Variants in PDIA5 observed in about 807,000 individuals in gnomAD.
PDIA5 encodes the protein protein disulfide isomerase family A member 5.
A neutral mutation model predicts 77.6 loss-of-function variants in PDIA5; 58 were observed. The observed-to-expected ratio is 0.75, with a 90% CI of 0.61 to 0.93. The LOEUF (loss-of-function observed/expected upper bound fraction) is 0.93, where lower values mean the gene tolerates loss of function less well. Among genes scored for constraint, PDIA5 ranks in the 40% least tolerant of loss-of-function variants. The pLI, the probability that PDIA5 is intolerant of heterozygous loss-of-function variation, is 0.00. For missense variants in PDIA5, 630 were observed against 647.7 expected (o/e 0.97, Z 0.30); for synonymous variants, 250 against 252.1 (o/e 0.99, Z 0.08).
intron 1 of PDIA5, among the ~76,000 whole-genome samples, chr3:123,071,593 G>A (rs954084786): frequency 5.9e-5 from 9 of 152,172 alleles, no homozygotes; most frequent in South Asian, 2.1e-4. Flanking sequence ...ACATTACAGC[G>A]GAAGTCTTAA....
At chr3:123,099,532 CAAAG>C (rs1489452145) in intron 3 of PDIA5, among the ~76,000 whole-genome samples, 1 of 152,170 alleles carries the variant, frequency 6.6e-6, no homozygotes, top group East Asian at 1.9e-4. Flanking sequence ...CATAACCTAA[CAAAG>C]AAGGTGGCAC....
chr3:123,096,855 G>A (rs977554869), intron 3 of PDIA5, among the ~76,000 whole-genome samples: 2 of 152,240 alleles, frequency 1.3e-5, no homozygotes, highest in Non-Finnish European at 2.9e-5. Context: ...CTGGGCGCTG[G>A]GGCTCGGGCT....
chr3:123,110,384 T>C (rs1344824781), intron 6 of PDIA5, among the ~76,000 whole-genome samples: 1 of 152,070 alleles, frequency 6.6e-6, no homozygotes, highest in African/African-American at 2.4e-5. Context: ...GGGATAAGGA[T>C]GGTGGTGGCA....
At chr3:123,104,430 C>G (rs976996811) in intron 5 of PDIA5, among the ~76,000 whole-genome samples, 1 of 152,200 alleles carries the variant, frequency 6.6e-6, no homozygotes, top group Admixed American at 6.5e-5. Flanking sequence ...AGGGTTTCTC[C>G]TGGGACCCTG....
chr3:123,150,029 C>T (rs1935853525), intron 13 of PDIA5, among the ~76,000 whole-genome samples: 1 of 152,064 alleles, frequency 6.6e-6, no homozygotes, highest in Non-Finnish European at 1.5e-5. Flanking sequence ...TTAATGGGCT[C>T]CTCAGAGGGA....
At chr3:123,127,695 C>T (rs903183981) in intron 10 of PDIA5, among the ~76,000 whole-genome samples, 2 of 152,192 alleles carry the variant, frequency 1.3e-5, no homozygotes, top group Non-Finnish European at 2.9e-5. Context: ...TGGTTCTCCT[C>T]TTCAGGGCCC....
chr3:123,160,546 C>G (rs1450924301), intron 15 of PDIA5, among the ~76,000 whole-genome samples: 2 of 152,208 alleles, frequency 1.3e-5, no homozygotes, highest in Non-Finnish European at 2.9e-5. Context: ...CCCCACTCAC[C>G]TGGCACCTGG....
intron 3 of PDIA5, among the ~76,000 whole-genome samples, chr3:123,094,749 A>G (rs1348231236): frequency 6.6e-6 from 1 of 152,182 alleles, no homozygotes; most frequent in African/African-American, 2.4e-5. Flanking sequence ...TATCCTTGTC[A>G]CTGTGAAACA....
intron 1 of PDIA5, among the ~76,000 whole-genome samples, chr3:123,076,496 A>T (rs1444789608): frequency 2.6e-5 from 4 of 152,192 alleles, no homozygotes; most frequent in East Asian, 1.9e-4. Context: ...GTAATTTTTT[A>T]AAAATGCTAC....
At chr3:123,110,663 G>A (rs1471800779) in intron 6 of PDIA5, among the ~76,000 whole-genome samples, 4 of 152,132 alleles carry the variant, frequency 2.6e-5, no homozygotes, top group South Asian at 2.1e-4. Flanking sequence ...CTCACCAGGC[G>A]GCCAAAGCCA....
At chr3:123,098,767 G>T (rs1340330945) in intron 3 of PDIA5, among the ~76,000 whole-genome samples, 1 of 152,168 alleles carries the variant, frequency 6.6e-6, no homozygotes, top group Non-Finnish European at 1.5e-5. Context: ...GGGGAGTCAG[G>T]TGAGGGTCTT....
At chr3:123,102,651 C>G in intron 4 of PDIA5, 100 bp from the exon 5 acceptor site, 1 of 1,138,994 alleles carries the variant, frequency 8.8e-7, no homozygotes, top group Non-Finnish European at 1.3e-6. Context: ...TCCTGAACTC[C>G]GTTCAAAAGC....
At chr3:123,151,185 G>A (rs1400339849) in intron 14 of PDIA5, among the ~76,000 whole-genome samples, 1 of 152,178 alleles carries the variant, frequency 6.6e-6, no homozygotes, top group East Asian at 1.9e-4. Context: ...GGCCGCCACA[G>A]CCTCAGCCCC....
At chr3:123,106,991 A>G (rs1242781803) in intron 6 of PDIA5, 150 bp downstream of exon 6, 1 of 636,948 alleles carries the variant, frequency 1.6e-6, no homozygotes, top group East Asian at 2.7e-5. Context: ...GGACCCTAAT[A>G]TTTGACTCCC....
chr3:123,120,318 C>T (rs1308464950), intron 8 of PDIA5, among the ~76,000 whole-genome samples: 1 of 152,210 alleles, frequency 6.6e-6, no homozygotes, highest in East Asian at 1.9e-4. Context: ...GCCTTGGAGC[C>T]TCCATTTCTC....
intron 11 of PDIA5, chr3:123,145,318 AT>A (rs1181523360): frequency 7.1e-6 from 4 of 559,912 alleles, no homozygotes; most frequent in Non-Finnish European, 3.1e-6. Context: ...CAGTTGTTTT[AT>A]TTTTGTGTCT....
intron 11 of PDIA5, among the ~76,000 whole-genome samples, chr3:123,137,709 T>C (rs1935533665): frequency 6.6e-6 from 1 of 151,722 alleles, no homozygotes; most frequent in East Asian, 1.9e-4. Flanking sequence ...GTGCCAAAGG[T>C]CACATAGCCA....
At chr3:123,154,842 C>T (rs1935983631) in intron 14 of PDIA5, 129 bp from the exon 15 acceptor site, 3 of 710,830 alleles carry the variant, frequency 4.2e-6, no homozygotes, top group Non-Finnish European at 7.6e-6. Context: ...CAAAAGGACC[C>T]TGACAGTGTG....
chr3:123,127,123 G>A (rs1029716582), intron 10 of PDIA5, among the ~76,000 whole-genome samples: 8 of 152,178 alleles, frequency 5.3e-5, no homozygotes, highest in Non-Finnish European at 1.5e-5. Context: ...TTCTGGACTC[G>A]TAATGCTTAG....
Sources: allele counts gnomAD v4.1 joint callset (sites outside exome capture counted in the v4.1 genomes callset), GRCh38; gene constraint gnomAD v4.1.1; transcripts MANE v1.5; gene names NCBI Gene and HGNC (gene_info 2026-07-23, HGNC 2026-07-21).